Variants in UBR4 observed in about 807,000 individuals in gnomAD.
The protein encoded by UBR4 is ubiquitin protein ligase E3 component n-recognin 4.
In UBR4, 124 loss-of-function variants were observed where a neutral mutation model predicts 575.6. The observed-to-expected ratio is 0.22, with a 90% CI of 0.19 to 0.25. The LOEUF (loss-of-function observed/expected upper bound fraction) is 0.25, where lower values mean the gene tolerates loss of function less well. Among genes scored for constraint, UBR4 ranks in the 10% least tolerant of loss-of-function variants. The probability of loss-of-function intolerance (pLI) is 1.00; values close to 1 mark genes in which losing one functional copy is unlikely to be tolerated. For missense variants in UBR4, 4,818 were observed against 6,478.8 expected (o/e 0.74, Z 8.80); for synonymous variants, 2,455 against 2,473.7 (o/e 0.99, Z 0.22).
At chr1:19,112,205 T>G (rs1557629756) in intron 78 of UBR4, 1 of 309,270 alleles carries the variant, frequency 3.2e-6, no homozygotes, top group East Asian at 6.7e-5. Context: ...CTGCTCTGCT[T>G]CTTTCATGTG....
At chr1:19,162,841 C>A (rs1460861220) in intron 34 of UBR4, among the ~76,000 whole-genome samples, 1 of 152,158 alleles carries the variant, frequency 6.6e-6, no homozygotes, top group Non-Finnish European at 1.5e-5. Flanking sequence ...GGCACAAAGA[C>A]AGCTCTTTAC....
chr1:19,175,333 T>C lies in UBR4; in HGVS notation c.2774-300A>G, dbSNP rs115580837. On this transcript the variant is annotated intron_variant, in intron 20 of 105. Coordinates refer to ENST00000375254, the MANE Select transcript of UBR4 (RefSeq NM_020765.3). ...GGGCAAAATCACCCATTGAGAACCATTGCTCTAAGAGTTAAGTAGGGTGCC... is the reference window on the plus strand; with the variant it reads ...GGGCAAAATCACCCATTGAGAACCACTGCTCTAAGAGTTAAGTAGGGTGCC... Among the ~76,000 whole-genome samples the C allele has an allele frequency of 9.1e-3, 1,332 of 146,612 alleles. 23 individuals carry two copies. Among genetic ancestry groups the C allele is most frequent in the African/African-American group, 0.03 (1,255 of 41,196 alleles).
chr1:19,187,088 A>G, intron 13 of UBR4, 76 bp downstream of exon 13: 1 of 878,180 alleles, frequency 1.1e-6, no homozygotes, highest in Non-Finnish European at 1.4e-6. Context: ...ATATATATAT[A>G]TATATATACA....
In UBR4 at chr1:19,100,280, A is replaced by G. The variant is rs2078494364; in HGVS notation, c.13221+96T>C. 1.4e-6 allele frequency: 2 copies of G among 1,405,580 alleles called. No homozygotes were observed. The highest frequency in any genetic ancestry group is 2.0e-6 in the Non-Finnish European group (2 of 1,006,736). 87.1% of individuals were successfully genotyped at this position (1,405,580 alleles called of 1,614,324 possible). A position where few individuals can be genotyped will look rare whatever the true frequency, so the allele number is the denominator to read the frequency against. ...GAGAAACTGAAGGCCACCTGCCCCAAGTTAATCAGCTACTAGGAAGAAGCA... is the reference window on the plus strand; with the variant it reads ...GAGAAACTGAAGGCCACCTGCCCCAGGTTAATCAGCTACTAGGAAGAAGCA... On this transcript the variant is annotated intron_variant, in intron 89 of 105. Transcript: ENST00000375254. This position sits in a 1 kb window ranked among gnomAD's most constrained non-coding sequence, Gnocchi z 4.2.
intron 60 of UBR4, among the ~76,000 whole-genome samples, chr1:19,136,720 G>A (rs1255470202): frequency 6.6e-6 from 1 of 152,132 alleles, no homozygotes; most frequent in Non-Finnish European, 1.5e-5. Context: ...GATTTTAAAT[G>A]TTTAAAGTAA....
intron 97 of UBR4, chr1:19,092,595 A>G (rs2077631645): frequency 2.2e-6 from 1 of 461,464 alleles, no homozygotes; most frequent in South Asian, 4.2e-5. Context: ...CAACAGTTGC[A>G]CAGGTGACCC....
In UBR4 at chr1:19,114,007, G is replaced by A. The variant is rs1367602981; in HGVS notation, c.11266C>T (p.His3756Tyr). The A allele has an allele frequency of 3.7e-6, 6 of 1,614,090 alleles. No homozygotes were observed. The highest frequency in any genetic ancestry group is 5.1e-6 in the Non-Finnish European group (6 of 1,180,054). ...AGCAGGTTCTCCAGCTGTGGCCGGT[G>A]TCCCATCAGCTGATGATACACTCGA... Reference protein sequence around the residue: ...ADRVYHQLMGHRPQLENLLCK... With the variant: ...ADRVYHQLMGYRPQLENLLCK... The change falls in exon 76 of 106, where the codon CAC becomes TAC. Residue 3756 changes from histidine (H) to tyrosine (Y), a missense_variant. By Grantham distance (83) the His-to-Tyr change is moderately conservative. Coordinates refer to ENST00000375254, the MANE Select transcript of UBR4 (RefSeq NM_020765.3).
chr1:19,187,076 TTATATATATATATATATATACA>T, intron 13 of UBR4, 66 bp downstream of exon 13: 1 of 733,046 alleles, frequency 1.4e-6, no homozygotes. Context: ...CAAGAAAGTT[TTATATATATATATATATATACA>T]TATATATATC....
intron 60 of UBR4, among the ~76,000 whole-genome samples, chr1:19,135,254 C>G (rs1274156220): frequency 6.6e-6 from 1 of 152,130 alleles, no homozygotes; most frequent in African/African-American, 2.4e-5. Flanking sequence ...TGAACTCCAG[C>G]CCATTCCACT....
rs1364299851 is a variant in UBR4 at position 19,145,810 on chromosome 1, G to A, written c.7928C>T (p.Ala2643Val). ...TAACATACCTGGAAGGCAGGCAGGTGCCAAGAAGGCATTCTTGGGTTTGGA... is the reference window on the plus strand; with the variant it reads ...TAACATACCTGGAAGGCAGGCAGGTACCAAGAAGGCATTCTTGGGTTTGGA... The part of the protein sequence containing the change: ...HASKPKNAFL[A>V]PACLPGLTHI... Residue 2643 changes from alanine to valine, a missense_variant, in exon 53 of 106, where the codon GCA (alanine) becomes GTA (valine). Ala to Val is a moderately conservative substitution (Grantham distance 64). Transcript: ENST00000375254. The A allele has an allele frequency of 6.2e-7, 1 of 1,614,090 alleles. No homozygotes were observed. The highest frequency in any genetic ancestry group is 1.7e-5 in the Admixed American group (1 of 60,014).
rs1362523669 is a variant in UBR4, at chr1:19,210,189, T to C, written c.60A>G (p.Ala20=). 1.3e-6 allele frequency: 2 copies of C among 1,489,338 alleles called. No individual in the cohort carries two copies. The highest frequency in any genetic ancestry group is 1.8e-6 in the Non-Finnish European group (2 of 1,125,566). The allele number at this position is 1,489,338 out of a possible 1,614,324, so 92.3% of individuals were successfully genotyped here. ...AAAAPAPGTP[A]TGADTTPGWE... The stretch of plus-strand genomic sequence containing the variant: ...AGCCCGGGGTCGTGTCCGCCCCCGT[T>C]GCCGGGGTCCCCGGCGCCGGAGCCG... Residue 20 remains alanine, a synonymous_variant, in exon 1 of 106, where the codon GCA becomes GCG. Coordinates refer to ENST00000375254, the MANE Select transcript of UBR4 (RefSeq NM_020765.3).
At chr1:19,138,263 T>A in intron 59 of UBR4, 82 bp from the exon 60 acceptor site, 2 of 1,380,866 alleles carry the variant, frequency 1.4e-6, no homozygotes, top group Non-Finnish European at 1.9e-6. Context: ...GCAGCAATAG[T>A]TAAGACAGTA....
intron 105 of UBR4, chr1:19,075,243 C>G (rs2075808983): frequency 3.2e-6 from 1 of 311,452 alleles, no homozygotes; most frequent in Admixed American, 4.5e-5. Flanking sequence ...CGCTGCCTGG[C>G]AAAGGCTCTG....
At chr1:19,149,646 G>T in intron 49 of UBR4, 2 of 959,442 alleles carry the variant, frequency 2.1e-6, no homozygotes, top group Non-Finnish European at 2.8e-6. Context: ...GACCAGAACA[G>T]AAAGAAGCAG....
At chr1:19,177,095 G>C (rs1016110799) in intron 19 of UBR4, among the ~76,000 whole-genome samples, 13 of 152,070 alleles carry the variant, frequency 8.5e-5, no homozygotes, top group Middle Eastern at 3.2e-3. Flanking sequence ...TTACAACAAA[G>C]GAATTTACCA....
In UBR4 at chr1:19,186,792, C is replaced by A. The variant is rs1318112428; in HGVS notation, c.1633-135G>T. The A allele has an allele frequency of 2.1e-5, 15 of 725,292 alleles. No homozygotes were observed. In the South Asian group the frequency reaches 2.8e-4, roughly 13 times the overall value. 44.9% of individuals were successfully genotyped at this position (725,292 alleles called of 1,614,324 possible). A position where few individuals can be genotyped will look rare whatever the true frequency, so the allele number is the denominator to read the frequency against. On this transcript the variant is annotated intron_variant, in intron 13 of 105. Transcript: ENST00000375254. ...TCTTAATAGCTCCCTTAATTAAGGA[C>A]TTTCATCACTTTACCCTACAAAAAC...
At chr1:19,135,727 C>T (rs2083129385) in intron 60 of UBR4, among the ~76,000 whole-genome samples, 1 of 152,046 alleles carries the variant, frequency 6.6e-6, no homozygotes, top group African/African-American at 2.4e-5. Flanking sequence ...ATGATGGTCT[C>T]ACATCTATTT....
In UBR4 at chr1:19,099,745, G is replaced by GGGCA. The variant is rs1324766827; in HGVS notation, c.13222-72_13222-69dup. The GGGCA allele has an allele frequency of 2.1e-6, 3 of 1,413,456 alleles. No individual in the cohort carries two copies. In the African/African-American group the frequency reaches 4.3e-5, roughly 20 times the overall value. 87.6% of individuals were successfully genotyped at this position (1,413,456 alleles called of 1,614,324 possible). On this transcript the variant is annotated intron_variant, in intron 89 of 105. Transcript: ENST00000375254. ...AAGACAAGTAAAATCCAAGAGCAAA[G>GGGCA]GGCACCTTACGGCAATGGTTGATAA...
chr1:19,186,705 T>G, intron 13 of UBR4, 48 bp from the exon 14 acceptor site: 1 of 1,564,850 alleles, frequency 6.4e-7, no homozygotes, highest in Non-Finnish European at 8.8e-7. Context: ...TTTAATCTCA[T>G]GCATCGCATG....
Sources: gnomAD v4.1 joint callset for allele counts (sites outside exome capture counted in the v4.1 genomes callset) on GRCh38, gnomAD v4.1.1 for gene constraint, Gnocchi (gnomAD v3.1) non-coding constraint, MANE v1.5 for transcripts, NCBI Gene and HGNC (gene_info 2026-07-23, HGNC 2026-07-21) for gene names.